Variants in NDRG2 observed in about 807,000 individuals in gnomAD.
NDRG2 encodes NDRG family member 2, also known as protein NDRG2.
A neutral mutation model predicts 58.2 loss-of-function variants in NDRG2; 34 were observed. That is an observed-to-expected ratio of 0.58 (90% CI 0.44 to 0.78). The LOEUF (loss-of-function observed/expected upper bound fraction) is 0.78. Ranked by LOEUF, NDRG2 falls within the 30% of genes least tolerant of loss-of-function variation. The pLI is 0.00. For missense variants in NDRG2, 434 were observed against 471.2 expected (o/e 0.92, Z 0.73); for synonymous variants, 187 against 175.9 (o/e 1.06, Z -0.50).
At chr14:21,058,552 C>T (rs1045732065) in intron 1 of NDRG2, 17 of 580,380 alleles carry the variant, frequency 2.9e-5, no homozygotes, top group Non-Finnish European at 3.3e-5. Flanking sequence ...AGATTCTCTT[C>T]AGCCTTTCAT....
upstream of NDRG2, among the ~76,000 whole-genome samples, chr14:21,026,358 G>C (rs569302985): frequency 3.0e-5 from 4 of 135,242 alleles, no homozygotes; most frequent in South Asian, 7.0e-4. Context: ...CCTTCAGACT[G>C]GTTCCTGAGT....
In NDRG2 at chr14:21,021,888, G is replaced by C. The variant is rs979905457; in HGVS notation, c.345-9C>G. 1 of 1,612,676 alleles carries C rather than the reference G, an allele frequency of 6.2e-7. No homozygotes were observed. The highest frequency in any genetic ancestry group is 8.5e-7 in the Non-Finnish European group (1 of 1,179,402). On this transcript the variant is annotated splice_polypyrimidine_tract_variant and intron_variant, in intron 5 of 15. Coordinates refer to ENST00000556147, the MANE Select transcript of NDRG2 (RefSeq NM_001320329.2). ...GAGATGGGTACTGATATCTGGAAAAGAGAGGCATGTTAAGGAAGATACCAA... is the reference window on the plus strand; with the variant it reads ...GAGATGGGTACTGATATCTGGAAAACAGAGGCATGTTAAGGAAGATACCAA...
chr14:21,017,791 T>A (rs1423702415), intron 15 of NDRG2, 29 bp from the exon 16 acceptor site: 1 of 1,602,952 alleles, frequency 6.2e-7, no homozygotes, highest in Non-Finnish European at 8.5e-7. Flanking sequence ...GCACAAGCAG[T>A]CAGAGAGGAA....
upstream of NDRG2, chr14:21,025,061 TGCCTTTGACTCGGGCCC>T (rs1347695690): frequency 2.3e-5 from 23 of 985,940 alleles, no homozygotes; most frequent in East Asian, 1.1e-3. This position sits in a 1 kb window ranked among gnomAD's most constrained non-coding sequence, Gnocchi z 5.1. Context: ...CACCTTCACT[TGCCTTTGACTCGGGCCC>T]GCCCCGGCTC....
rs566728396 is a variant in NDRG2 at position 21,031,823 on chromosome 14, C to A, written c.25-8502G>T. 1.0e-4 allele frequency: 157 copies of A among 1,522,946 alleles called. No homozygotes were observed. In the African/African-American group the frequency reaches 1.1e-3, roughly 10 times the overall value. 94.3% of individuals were successfully genotyped at this position (1,522,946 alleles called of 1,614,324 possible). A position where few individuals can be genotyped will look rare whatever the true frequency, so the allele number is the denominator to read the frequency against. ...AAGCACTTGTTCTAAGTATCTCGGGCCATCTTTGGGGAAGGGATATGACAG... is the reference window on the plus strand; with the variant it reads ...AAGCACTTGTTCTAAGTATCTCGGGACATCTTTGGGGAAGGGATATGACAG... On this transcript the variant is annotated intron_variant, in intron 1 of 14. Coordinates refer to the NDRG2 transcript ENST00000403829.
At chr14:21,056,833 A>C (rs1346968233) in intron 1 of NDRG2, among the ~76,000 whole-genome samples, 1 of 152,176 alleles carries the variant, frequency 6.6e-6, no homozygotes, top group Non-Finnish European at 1.5e-5. Flanking sequence ...TCATCTTTAA[A>C]ATGAGGGAGT....
Position 21,024,842 on chromosome 14 carries a change from C to A in NDRG2, c.-819G>T. On this transcript the variant is annotated 5_prime_UTR_variant, in exon 1 of 16. Coordinates refer to ENST00000556147, the MANE Select transcript of NDRG2 (RefSeq NM_001320329.2). ...GCCCCGGACCTTGCACACAACCTCG[C>A]GCGCACCCCAAACACGCCCTGCAGC... is the stretch of plus-strand genomic sequence containing the variant. 1.0e-6 allele frequency: 1 copy of A among 985,792 alleles called. No individual in the cohort carries two copies. The highest frequency in any genetic ancestry group is 4.7e-5 in the South Asian group (1 of 21,298). The allele number at this position is 985,792 out of a possible 1,614,324, so 61.1% of individuals were successfully genotyped here. A position where few individuals can be genotyped will look rare whatever the true frequency, so the allele number is the denominator to read the frequency against.
chr14:21,064,969 G>A (rs1018160109), intron 1 of NDRG2, among the ~76,000 whole-genome samples: 2 of 152,136 alleles, frequency 1.3e-5, no homozygotes, highest in Non-Finnish European at 1.5e-5. Context: ...TCAGGAGTTC[G>A]AGACCAGCCT....
chr14:21,020,668 A>G, intron 7 of NDRG2, 86 bp from the exon 8 acceptor site: 4 of 1,571,200 alleles, frequency 2.5e-6, no homozygotes, highest in Non-Finnish European at 3.5e-6. Flanking sequence ...CTGGACTCCC[A>G]CAGGGCCTGA....
Position 21,017,470 on chromosome 14 carries a change from G to C in NDRG2, c.*126C>G. 9.3e-7 allele frequency: 1 copy of C among 1,071,418 alleles called. No individual in the cohort carries two copies. Among genetic ancestry groups the C allele is most frequent in the South Asian group, 1.7e-5 (1 of 60,474 alleles). 66.4% of individuals were successfully genotyped at this position (1,071,418 alleles called of 1,614,324 possible). A position where few individuals can be genotyped will look rare whatever the true frequency, so the allele number is the denominator to read the frequency against. On this transcript the variant is annotated 3_prime_UTR_variant, in exon 16 of 16. Coordinates refer to ENST00000556147, the MANE Select transcript of NDRG2 (RefSeq NM_001320329.2). ...GGTTAGGGTAGCAATCAAAGATCAA[G>C]GTCATCTCCCCGCATGATCTGCCCT...
At chr14:21,017,918 C>A in intron 15 of NDRG2, 69 bp downstream of exon 15, 2 of 1,613,160 alleles carry the variant, frequency 1.2e-6, no homozygotes, top group East Asian at 2.2e-5. Flanking sequence ...AGGCATTCAC[C>A]TAAAACGGTT....
upstream of NDRG2, among the ~76,000 whole-genome samples, chr14:21,027,020 A>T (rs967663768): frequency 2.6e-5 from 4 of 152,140 alleles, no homozygotes; most frequent in Admixed American, 6.5e-5. Context: ...GAAGGACCTG[A>T]AGGTTCCAGC....
At position 21,070,834 on chromosome 14, in the gene NDRG2, G is replaced by A. The variant is rs528272503; in HGVS notation, c.18C>T (p.Ser6=). 18 of 1,535,652 alleles carry A rather than the reference G, an allele frequency of 1.2e-5. No individual in the cohort carries two copies. In the South Asian group the frequency reaches 2.1e-4, roughly 18 times the overall value. The change falls in exon 1 of 15, where the codon TCC becomes TCT. Residue 6 remains serine, a synonymous_variant. Coordinates refer to the NDRG2 transcript ENST00000403829. The surrounding 1 kb of genome is among the most constrained non-coding windows in gnomAD (Gnocchi z 4.7). Reference sequence around the variant, plus strand: ...TCGGGTCATGAGAACTGACCTGCATGGAACCACCATTTTCCATCCCTGTCC... The same window carrying A: ...TCGGGTCATGAGAACTGACCTGCATAGAACCACCATTTTCCATCCCTGTCC...
chr14:21,022,342 C>T (rs768055052), intron 4 of NDRG2, 50 bp downstream of exon 4: 2 of 1,581,474 alleles, frequency 1.3e-6, no homozygotes, highest in East Asian at 2.2e-5. Flanking sequence ...TCTACCCTTC[C>T]CCCACAGCCT....
At chr14:21,039,482 T>C (rs1020309653) in intron 1 of NDRG2, among the ~76,000 whole-genome samples, 2 of 152,230 alleles carry the variant, frequency 1.3e-5, no homozygotes, top group African/African-American at 4.8e-5. Context: ...CCTGAACCAG[T>C]CCCTGGCCTG....
Position 21,021,826 on chromosome 14 carries a change from T to G in NDRG2, c.398A>C (p.Gln133Pro), listed in dbSNP as rs781346912. The change falls in exon 6 of 16, where the codon CAG becomes CCG. Residue 133 changes from glutamine (Q) to proline (P), a missense_variant. Physicochemically the swap from Gln to Pro is moderately conservative, Grantham distance 76. Transcript: ENST00000556147. ...QLADMIPCVL[Q>P]YLNFSTIIGV... ...TTCCCAGGCCTCTCACTTTAGGTAC[T>G]GCAGGACGCAAGGGATCATGTCTGC... The G allele has an allele frequency of 1.2e-6, 2 of 1,612,870 alleles. No individual in the cohort carries two copies. The highest frequency in any genetic ancestry group is 1.7e-6 in the Non-Finnish European group (2 of 1,179,434).
In NDRG2 at chr14:21,024,536, G is replaced by C; in HGVS notation, c.-513C>G. On this transcript the variant is annotated 5_prime_UTR_variant, in exon 1 of 16. Coordinates refer to ENST00000556147, the MANE Select transcript of NDRG2 (RefSeq NM_001320329.2). ...AAGAGGAGGGTAGCAGAGCATGGCT[G>C]TTTCCCTCCACAATTTAAAAACAAA... The C allele has an allele frequency of 1.0e-6, 1 of 985,466 alleles. No individual in the cohort carries two copies. Among genetic ancestry groups the C allele is most frequent in the Non-Finnish European group, 1.2e-6 (1 of 829,960 alleles). 61.0% of individuals were successfully genotyped at this position (985,466 alleles called of 1,614,324 possible).
At chr14:21,022,664 G>C in intron 3 of NDRG2, 167 bp from the exon 4 acceptor site, 1 of 669,008 alleles carries the variant, frequency 1.5e-6, no homozygotes. Context: ...CGGAAGATGA[G>C]TTTGAGGATA....
At position 21,070,196 on chromosome 14, in the gene NDRG2, AGGGCGGGGCGGGGAG is replaced by A; in HGVS notation, c.24+617_24+631del. ...GCGCGGAGGCGGGGGCGGGCGCTGA[AGGGCGGGGCGGGGAG>A]GGGCGGCCGTCTCGGCCCTCCCTGG... On this transcript the variant is annotated intron_variant, in intron 1 of 14. Transcript: ENST00000403829. This position sits in a 1 kb window ranked among gnomAD's most constrained non-coding sequence, Gnocchi z 4.7. The A allele has an allele frequency of 3.7e-6, 1 of 272,488 alleles. No homozygotes were observed. The highest frequency in any genetic ancestry group is 5.8e-6 in the Non-Finnish European group (1 of 171,464). 16.9% of individuals were successfully genotyped at this position (272,488 alleles called of 1,614,324 possible). A position where few individuals can be genotyped will look rare whatever the true frequency, so the allele number is the denominator to read the frequency against.
Sources: allele counts gnomAD v4.1 joint callset (sites outside exome capture counted in the v4.1 genomes callset), GRCh38; gene constraint gnomAD v4.1.1; non-coding constraint Gnocchi (gnomAD v3.1); transcripts MANE v1.5; gene names NCBI Gene and HGNC (gene_info 2026-07-23, HGNC 2026-07-21).